The following GLDN variants were observed in gnomAD, a reference collection of about 807,000 sequenced individuals.
GLDN encodes gliomedin.
GLDN carries 47 observed loss-of-function variants against 56.5 expected under a neutral mutation model. That is an observed-to-expected ratio of 0.83 (90% confidence interval 0.66 to 1.06). The LOEUF (loss-of-function observed/expected upper bound fraction) is 1.06. Ranked by LOEUF, GLDN falls within the 50% of genes least tolerant of loss-of-function variation. The probability of loss-of-function intolerance (pLI) is 0.00; values close to 1 mark genes in which losing one functional copy is unlikely to be tolerated. For synonymous variants in GLDN, 332 were observed against 278.8 expected (o/e 1.19, Z -1.90); for missense variants, 782 against 714.3 (o/e 1.09, Z -1.08).
At chr15:51,353,977 T>C (rs141252555) in intron 1 of GLDN, among the ~76,000 whole-genome samples, 25 of 152,352 alleles carry the variant, frequency 1.6e-4, no homozygotes, top group African/African-American at 6.0e-4. Context: ...GTTGCTTTTA[T>C]GTAGATCTTT....
At chr15:51,403,707 T>C (rs1019919989) in intron 9 of GLDN, among the ~76,000 whole-genome samples, 15 of 152,206 alleles carry the variant, frequency 9.9e-5, no homozygotes, top group African/African-American at 3.4e-4. Context: ...CTGACTTTCT[T>C]CTTAACTTAG....
chr15:51,349,336 C>A (rs1566934553), intron 1 of GLDN, among the ~76,000 whole-genome samples: 1 of 152,222 alleles, frequency 6.6e-6, no homozygotes, highest in Admixed American at 6.5e-5. Flanking sequence ...GGGTTATTTC[C>A]AAATGTTGTA....
chr15:51,381,675 C>T (rs906678579), intron 2 of GLDN, among the ~76,000 whole-genome samples: 1 of 152,088 alleles, frequency 6.6e-6, no homozygotes, highest in Non-Finnish European at 1.5e-5. Context: ...TGCTGAAATA[C>T]CTCTTGAATG....
At chr15:51,360,091 A>G (rs562418511) in intron 1 of GLDN, among the ~76,000 whole-genome samples, 1 of 152,322 alleles carries the variant, frequency 6.6e-6, no homozygotes, top group East Asian at 1.9e-4. Flanking sequence ...CATTAGAAAG[A>G]AACTTCAAAA....
chr15:51,342,191 C>T, intron 1 of GLDN, 144 bp downstream of exon 1: 1 of 1,059,688 alleles, frequency 9.4e-7, no homozygotes, highest in Non-Finnish European at 1.4e-6. Flanking sequence ...CTGGGGATGT[C>T]ACCTTGGCAA....
chr15:51,386,230 G>T (rs766965113), intron 4 of GLDN, among the ~76,000 whole-genome samples: 2 of 152,144 alleles, frequency 1.3e-5, no homozygotes, highest in South Asian at 2.1e-4. Context: ...AGTGGAAGTT[G>T]AGTCCCCGAG....
downstream of GLDN, among the ~76,000 whole-genome samples, chr15:51,411,624 A>G (rs953671191): frequency 5.9e-5 from 9 of 152,266 alleles, no homozygotes; most frequent in African/African-American, 2.2e-4. Flanking sequence ...TAACATGTAA[A>G]TAAATGAGCA....
intron 1 of GLDN, among the ~76,000 whole-genome samples, chr15:51,367,148 C>A (rs1293852132): frequency 1.3e-5 from 2 of 152,222 alleles, no homozygotes; most frequent in African/African-American, 4.8e-5. Context: ...GCGGCCTCTG[C>A]TGGCTTATCC....
In GLDN at chr15:51,373,718, G is replaced by A. The variant is rs543347949; in HGVS notation, c.364-3731G>A. On this transcript the variant is annotated intron_variant, in intron 1 of 9. Coordinates refer to ENST00000335449, the MANE Select transcript of GLDN (RefSeq NM_181789.4). ...AGAGTGACAGTGATGGGCAGGGAGG[G>A]GGAGAGCACTGGGAGATGCCCTACA... is the stretch of plus-strand genomic sequence containing the variant. 2.0e-5 allele frequency among the ~76,000 whole-genome samples: 3 copies of A among 152,326 alleles called. No homozygotes were observed. The East Asian group carries it at 5.8e-4, about 29-fold the overall frequency.
chr15:51,409,856 T>C (rs891883574), downstream of GLDN, among the ~76,000 whole-genome samples: 16 of 152,336 alleles, frequency 1.1e-4, no homozygotes, highest in Middle Eastern at 3.4e-3. Context: ...TTGGATTTGG[T>C]TCTTATAACT....
At chr15:51,377,202 A>G (rs2037650697) in intron 1 of GLDN, 1 of 540,748 alleles carries the variant, frequency 1.8e-6, no homozygotes, top group African/African-American at 1.9e-5. Context: ...GCACCAAGAC[A>G]CTACCCCGTG....
chr15:51,400,869 C>T (rs1422346228), intron 8 of GLDN, among the ~76,000 whole-genome samples: 1 of 152,178 alleles, frequency 6.6e-6, no homozygotes, highest in African/African-American at 2.4e-5. Flanking sequence ...TCTAAGGTTG[C>T]CGCCCTCCCA....
In GLDN at chr15:51,405,041, C is replaced by T. The variant is rs2038346642; in HGVS notation, c.*287C>T. 3.6e-6 allele frequency: 1 copy of T among 274,380 alleles called. No individual in the cohort carries two copies. Among genetic ancestry groups the T allele is most frequent in the Non-Finnish European group, 6.9e-6 (1 of 145,570 alleles). 17.0% of individuals were successfully genotyped at this position (274,380 alleles called of 1,614,324 possible). On this transcript the variant is annotated 3_prime_UTR_variant, in exon 10 of 10. Coordinates refer to ENST00000335449, the MANE Select transcript of GLDN (RefSeq NM_181789.4). ...TGGCTAAGATGATTGGGGAGATTTT[C>T]TGTACCTGTAGGTAATTTGGTGATT...
chr15:51,355,756 T>C (rs188059734), intron 1 of GLDN, among the ~76,000 whole-genome samples: 9,169 of 149,188 alleles, frequency 0.061, 822 homozygotes, highest in African/African-American at 0.2. Context: ...ATCTCCTGAC[T>C]TTGTGATCTG....
chr15:51,356,095 C>T (rs900729389), intron 1 of GLDN, among the ~76,000 whole-genome samples: 37 of 151,550 alleles, frequency 2.4e-4, no homozygotes, highest in Non-Finnish European at 3.7e-4. Context: ...TGGTCCCAGC[C>T]ACTCCAGAGG....
rs1252214527 is a variant in GLDN at position 51,341,699 on chromosome 15, T to G, written c.15T>G (p.Ala5=). The G allele has an allele frequency of 2.1e-6, 3 of 1,423,984 alleles. No homozygotes were observed. Among genetic ancestry groups the G allele is most frequent in the Admixed American group, 3.2e-5 (1 of 31,624 alleles). 88.2% of individuals were successfully genotyped at this position (1,423,984 alleles called of 1,614,324 possible). The change falls in exon 1 of 10, where the codon GCT becomes GCG. Residue 5 remains alanine, a synonymous_variant. Coordinates refer to ENST00000335449, the MANE Select transcript of GLDN (RefSeq NM_181789.4). The part of the protein sequence containing the change: MARG[A]EGGRGDAGWG... ...GCGCATAGAGCATGGCCCGAGGCGC[T>G]GAGGGAGGCCGTGGGGACGCGGGTT...
chr15:51,355,473 T>C (rs1595804370), intron 1 of GLDN, among the ~76,000 whole-genome samples: 2 of 152,140 alleles, frequency 1.3e-5, no homozygotes, highest in African/African-American at 4.8e-5. Context: ...TTGAATGCCA[T>C]CTTGGTTTTG....
At chr15:51,384,252 C>T in intron 4 of GLDN, 1 of 290,004 alleles carries the variant, frequency 3.4e-6, no homozygotes, top group East Asian at 1.1e-4. Context: ...TCCTGCCTTG[C>T]CCTCTATTGC....
At chr15:51,350,106 G>T (rs1407551094) in intron 1 of GLDN, among the ~76,000 whole-genome samples, 4 of 152,046 alleles carry the variant, frequency 2.6e-5, no homozygotes. Flanking sequence ...GTTAACTCTG[G>T]GGTCTAACAC....
Sources: allele counts gnomAD v4.1 joint callset (sites outside exome capture counted in the v4.1 genomes callset), GRCh38; gene constraint gnomAD v4.1.1; transcripts MANE v1.5; gene names NCBI Gene and HGNC (gene_info 2026-07-23, HGNC 2026-07-21).